Variants in TSPAN5 observed in about 807,000 individuals in gnomAD.
TSPAN5 encodes tetraspanin 5, also known as tetraspanin-5.
A neutral mutation model predicts 37.1 loss-of-function variants in TSPAN5; 10 were observed. The ratio of observed to expected loss-of-function variants is 0.27; its 90% confidence interval spans 0.17 to 0.46. TSPAN5 has a LOEUF of 0.46. TSPAN5 is among the 20% of genes least tolerant of loss of function. The pLI is 1.00. For missense variants in TSPAN5, 195 were observed against 326.6 expected (o/e 0.60, Z 3.11); for synonymous variants, 110 against 118.9 (o/e 0.93, Z 0.48).
intron 4 of TSPAN5, among the ~76,000 whole-genome samples, chr4:98,480,850 G>A (rs1169010721): frequency 1.3e-5 from 2 of 152,096 alleles, no homozygotes; most frequent in Non-Finnish European, 2.9e-5. Flanking sequence ...CCCACTTAAG[G>A]GGCAGCTTAC....
chr4:98,599,037 A>G (rs1350162117), intron 1 of TSPAN5, among the ~76,000 whole-genome samples: 1 of 152,228 alleles, frequency 6.6e-6, no homozygotes, highest in Non-Finnish European at 1.5e-5. Context: ...ATAACACACA[A>G]TCCAGAGGCT....
intron 1 of TSPAN5, among the ~76,000 whole-genome samples, chr4:98,540,278 G>T (rs954659674): frequency 3.9e-5 from 6 of 151,912 alleles, no homozygotes; most frequent in Non-Finnish European, 7.4e-5. Context: ...AATCAAAGAC[G>T]GCATATGTGT....
intron 1 of TSPAN5, among the ~76,000 whole-genome samples, chr4:98,582,228 C>T (rs1402694015): frequency 1.3e-5 from 2 of 152,188 alleles, no homozygotes; most frequent in Non-Finnish European, 2.9e-5. Context: ...TGTATGTAAG[C>T]CCCCGACGCA....
intron 1 of TSPAN5, among the ~76,000 whole-genome samples, chr4:98,573,591 A>G (rs565951131): frequency 2.0e-4 from 30 of 152,368 alleles, no homozygotes; most frequent in African/African-American, 7.0e-4. Context: ...TAACAACTAC[A>G]AGAGAATCTA....
At chr4:98,619,062 A>C (rs902103708) in intron 1 of TSPAN5, among the ~76,000 whole-genome samples, 5 of 152,204 alleles carry the variant, frequency 3.3e-5, no homozygotes, top group African/African-American at 1.2e-4. Context: ...AGCTCTGATA[A>C]AGTCAGTCAT....
chr4:98,606,946 A>G (rs1020378594), intron 1 of TSPAN5, among the ~76,000 whole-genome samples: 1 of 152,058 alleles, frequency 6.6e-6, no homozygotes, highest in Non-Finnish European at 1.5e-5. Flanking sequence ...CGAGGTGCAG[A>G]CGGATGGCTG....
At chr4:98,478,542 G>T in intron 5 of TSPAN5, 143 bp downstream of exon 5, 1 of 939,980 alleles carries the variant, frequency 1.1e-6, no homozygotes, top group Non-Finnish European at 1.6e-6. Flanking sequence ...AGGAAGATTT[G>T]AGCACCATAA....
At chr4:98,629,284 T>C (rs1236883480) in intron 1 of TSPAN5, among the ~76,000 whole-genome samples, 1 of 152,198 alleles carries the variant, frequency 6.6e-6, no homozygotes, top group Non-Finnish European at 1.5e-5. Flanking sequence ...CAACCAAGAT[T>C]GCAGGCAAGT....
Position 98,476,189 on chromosome 4 carries a change from C to T in TSPAN5, c.741G>A (p.Gln247=). 6.2e-7 allele frequency: 1 copy of T among 1,612,138 alleles called. No homozygotes were observed. The highest frequency in any genetic ancestry group is 8.5e-7 in the Non-Finnish European group (1 of 1,178,218). Residue 247 remains glutamine, a splice_region_variant and synonymous_variant, in exon 7 of 8, where the codon CAG becomes CAA. Coordinates refer to ENST00000305798, the MANE Select transcript of TSPAN5 (RefSeq NM_005723.4). ...TATCCATAAAGGACCCTTATCTTAC[C>T]TGCAGCAATGCAATGCCTATGAAAA... is the stretch of plus-strand genomic sequence containing the variant. ...AGIFIGIALL[Q]IFGICLAQNL...
At chr4:98,549,307 T>G (rs1754551157) in intron 1 of TSPAN5, among the ~76,000 whole-genome samples, 1 of 146,370 alleles carries the variant, frequency 6.8e-6, no homozygotes, top group Admixed American at 7.0e-5. Context: ...TTTTTGTTTT[T>G]TTTTGTTTTT....
chr4:98,586,535 G>A (rs1194609958), intron 1 of TSPAN5, among the ~76,000 whole-genome samples: 2 of 152,198 alleles, frequency 1.3e-5, no homozygotes, highest in Admixed American at 1.3e-4. Flanking sequence ...TAATAGGCAA[G>A]ATGATAGATT....
chr4:98,518,072 T>C (rs938805348), intron 1 of TSPAN5, among the ~76,000 whole-genome samples: 1 of 152,010 alleles, frequency 6.6e-6, no homozygotes, highest in Non-Finnish European at 1.5e-5. Context: ...ATGCACACTG[T>C]TTTTATGTTG....
At chr4:98,621,429 G>A (rs1756477401) in intron 1 of TSPAN5, among the ~76,000 whole-genome samples, 1 of 147,002 alleles carries the variant, frequency 6.8e-6, no homozygotes, top group South Asian at 2.2e-4. Flanking sequence ...ATGCAGTGGC[G>A]CGATCTCTGC....
chr4:98,555,975 GCGCACACACACGTGCGTGCGCA>G (rs1201127188), intron 1 of TSPAN5, among the ~76,000 whole-genome samples: 3 of 119,386 alleles, frequency 2.5e-5, no homozygotes, highest in Non-Finnish European at 3.3e-5. Flanking sequence ...ACACACGCGC[GCGCACACACACGTGCGTGCGCA>G]CACACACACG....
chr4:98,507,087 C>A (rs1419559206), intron 2 of TSPAN5, among the ~76,000 whole-genome samples: 1 of 152,138 alleles, frequency 6.6e-6, no homozygotes, highest in Non-Finnish European at 1.5e-5. Flanking sequence ...TCCAGATTTT[C>A]CTTTTATTAT....
At chr4:98,653,638 G>A (rs1757237343) in intron 1 of TSPAN5, among the ~76,000 whole-genome samples, 1 of 152,110 alleles carries the variant, frequency 6.6e-6, no homozygotes, top group African/African-American at 2.4e-5. Flanking sequence ...AAGTTCTATA[G>A]CCCTGTATGG....
chr4:98,657,828 G>A (rs539638450), intron 1 of TSPAN5: 1 of 332,300 alleles, frequency 3.0e-6, no homozygotes, highest in African/African-American at 2.2e-5. Flanking sequence ...AATCCAATTC[G>A]TGTGGTTGCT....
At chr4:98,538,153 A>G (rs1223015136) in intron 1 of TSPAN5, among the ~76,000 whole-genome samples, 1 of 152,258 alleles carries the variant, frequency 6.6e-6, no homozygotes, top group East Asian at 1.9e-4. Flanking sequence ...CATCTGGACT[A>G]AAAGGAAGGA....
chr4:98,544,397 C>CTGTGTGTGTGTGTGTGTGTGTGTG (rs1363666850), intron 1 of TSPAN5, among the ~76,000 whole-genome samples: 12 of 152,140 alleles, frequency 7.9e-5, no homozygotes, highest in African/African-American at 2.9e-4. Context: ...ACCATTTCAT[C>CTGTGTGTGTGTGTGTGTGTGTGTG]TGTGTGTCTG....
Sources: allele counts gnomAD v4.1 joint callset (sites outside exome capture counted in the v4.1 genomes callset), GRCh38; gene constraint gnomAD v4.1.1; transcripts MANE v1.5; gene names NCBI Gene and HGNC (gene_info 2026-07-23, HGNC 2026-07-21).